The following BRINP3 variants were observed in gnomAD, a reference collection of about 807,000 sequenced individuals.
The protein encoded by BRINP3 is BMP/retinoic acid inducible neural specific 3.
Under a neutral mutation model 71.0 loss-of-function variants are expected in BRINP3, and 19 were observed. The ratio of observed to expected loss-of-function variants is 0.27; its 90% confidence interval spans 0.19 to 0.39. The LOEUF (loss-of-function observed/expected upper bound fraction) is 0.39, where lower values mean the gene tolerates loss of function less well. Among genes scored for constraint, BRINP3 ranks in the 10% least tolerant of loss-of-function variants. The pLI, the probability that BRINP3 is intolerant of heterozygous loss-of-function variation, is 1.00. For synonymous variants in BRINP3, 380 were observed against 337.7 expected (o/e 1.13, Z -1.37); for missense variants, 959 against 940.8 (o/e 1.02, Z -0.25).
intron 2 of BRINP3, among the ~76,000 whole-genome samples, chr1:190,340,564 T>C (rs1331850247): frequency 6.6e-6 from 1 of 151,888 alleles, no homozygotes; most frequent in Non-Finnish European, 1.5e-5. Flanking sequence ...ATATTTCAGA[T>C]TGACCAAGCA....
At position 190,429,221 on chromosome 1, in the gene BRINP3, C is replaced by T. The variant is rs373028136; in HGVS notation, c.236+25434G>A. Among the ~76,000 whole-genome samples the T allele has an allele frequency of 8.5e-5, 13 of 152,114 alleles. No individual in the cohort carries two copies. In the East Asian group the frequency reaches 1.2e-3, roughly 14 times the overall value. On this transcript the variant is annotated intron_variant, in intron 2 of 7. Transcript: ENST00000367462. ...TTTGTCTTTATAAACACTTGTTCTA[C>T]AGATATGTCAGTGCCTGTGGACAAA...
intron 2 of BRINP3, among the ~76,000 whole-genome samples, chr1:190,295,878 C>A (rs1664209924): frequency 6.6e-6 from 1 of 152,130 alleles, no homozygotes; most frequent in Non-Finnish European, 1.5e-5. Context: ...CAATTCCCCT[C>A]TTTTGGTTAT....
chr1:190,469,678 C>G (rs760961394), intron 1 of BRINP3, among the ~76,000 whole-genome samples: 1 of 150,942 alleles, frequency 6.6e-6, no homozygotes, highest in African/African-American at 2.4e-5. Flanking sequence ...TACTTATTAT[C>G]TATCCCAGGA....
At chr1:190,185,924 G>A (rs1653475193) in intron 6 of BRINP3, among the ~76,000 whole-genome samples, 1 of 152,012 alleles carries the variant, frequency 6.6e-6, no homozygotes, top group Admixed American at 6.6e-5. Flanking sequence ...ATTACTGAAT[G>A]TTCCCAACAA....
intron 6 of BRINP3, among the ~76,000 whole-genome samples, chr1:190,205,302 T>A (rs1558063530): frequency 6.6e-6 from 1 of 151,740 alleles, no homozygotes; most frequent in African/African-American, 2.4e-5. Flanking sequence ...GTTGATATGG[T>A]TCTCTTTTCT....
chr1:190,423,056 A>G (rs1243473796), intron 2 of BRINP3, among the ~76,000 whole-genome samples: 1 of 151,762 alleles, frequency 6.6e-6, no homozygotes, highest in Non-Finnish European at 1.5e-5. Flanking sequence ...AGTAGAAAAT[A>G]AGGGAGGGAT....
intron 6 of BRINP3, among the ~76,000 whole-genome samples, chr1:190,198,354 T>G (rs1318249926): frequency 6.6e-6 from 1 of 152,236 alleles, no homozygotes; most frequent in African/African-American, 2.4e-5. Flanking sequence ...GCAGCCATCT[T>G]GAATTTCTCC....
intron 2 of BRINP3, among the ~76,000 whole-genome samples, chr1:190,363,365 C>A (rs564707397): frequency 6.6e-6 from 1 of 152,274 alleles, no homozygotes; most frequent in East Asian, 1.9e-4. Context: ...AAACTCCTGA[C>A]ACGCAGAAAT....
At chr1:190,345,851 T>C (rs1667989633) in intron 2 of BRINP3, among the ~76,000 whole-genome samples, 1 of 151,884 alleles carries the variant, frequency 6.6e-6, no homozygotes, top group African/African-American at 2.4e-5. Flanking sequence ...TTGGAAATCA[T>C]TGCCAATTAT....
chr1:190,114,314 T>G lies in BRINP3; in HGVS notation c.1185-15180A>C, dbSNP rs569074969. On this transcript the variant is annotated intron_variant, in intron 7 of 7. Coordinates refer to ENST00000367462, the MANE Select transcript of BRINP3 (RefSeq NM_199051.3). Reference sequence around the variant, plus strand: ...GCTTCCTGTAAAGCCTGCAGAACCATGAGCCAATTAAACCTCTTTTCTTTA... The same window carrying G: ...GCTTCCTGTAAAGCCTGCAGAACCAGGAGCCAATTAAACCTCTTTTCTTTA... 6.6e-5 allele frequency among the ~76,000 whole-genome samples: 10 copies of G among 152,256 alleles called. 1 individual carries two copies. In the South Asian group the frequency reaches 1.9e-3, roughly 28 times the overall value.
chr1:190,161,176 T>C lies in BRINP3; in HGVS notation c.962-286A>G, dbSNP rs566550800. Among the ~76,000 whole-genome samples the C allele has an allele frequency of 2.6e-5, 4 of 152,156 alleles. No individual in the cohort carries two copies. In the Middle Eastern group the frequency reaches 0.011, roughly 410 times the overall value. ...ATAGTTGAAGCAGAAAGTTTAAGTT[T>C]AACTTAATTTTTCTGTGTGCTTCTT... On this transcript the variant is annotated intron_variant, in intron 6 of 7. Coordinates refer to ENST00000367462, the MANE Select transcript of BRINP3 (RefSeq NM_199051.3).
At chr1:190,259,304 A>AT (rs138435924) in intron 4 of BRINP3, among the ~76,000 whole-genome samples, 57 of 151,628 alleles carry the variant, frequency 3.8e-4, no homozygotes, top group African/African-American at 1.4e-3. Context: ...ACCAGATGAG[A>AT]TTTAGCCCAA....
intron 2 of BRINP3, among the ~76,000 whole-genome samples, chr1:190,290,088 A>T (rs1275374482): frequency 6.6e-6 from 1 of 152,214 alleles, no homozygotes; most frequent in African/African-American, 2.4e-5. Context: ...TAGTTAGTAT[A>T]CACCCTGACT....
chr1:190,225,991 A>G, intron 6 of BRINP3, 91 bp downstream of exon 6: 1 of 843,706 alleles, frequency 1.2e-6, no homozygotes, highest in South Asian at 1.8e-5. Context: ...CTTTCCAACT[A>G]TGTAATAGTT....
chr1:190,464,915 G>T (rs1346238570), intron 1 of BRINP3, among the ~76,000 whole-genome samples: 2 of 151,886 alleles, frequency 1.3e-5, no homozygotes, highest in African/African-American at 4.8e-5. Flanking sequence ...CTTAATGAGG[G>T]TTAGTATTCC....
chr1:190,205,988 A>C (rs1207729603), intron 6 of BRINP3, among the ~76,000 whole-genome samples: 1 of 152,026 alleles, frequency 6.6e-6, no homozygotes, highest in Non-Finnish European at 1.5e-5. Context: ...CCTCGTGCAG[A>C]ACAAGAGACT....
chr1:190,184,222 C>A (rs534138544), intron 6 of BRINP3, among the ~76,000 whole-genome samples: 2 of 152,034 alleles, frequency 1.3e-5, no homozygotes, highest in South Asian at 2.1e-4. Flanking sequence ...AGCTAAAATT[C>A]TTTAGTTTAA....
At chr1:190,254,159 G>T (rs1660424432) in intron 4 of BRINP3, among the ~76,000 whole-genome samples, 1 of 152,062 alleles carries the variant, frequency 6.6e-6, no homozygotes. Flanking sequence ...ATGCTGTTTT[G>T]GTTACTGTAG....
chr1:190,134,788 A>G (rs1654838037), intron 7 of BRINP3, among the ~76,000 whole-genome samples: 1 of 152,116 alleles, frequency 6.6e-6, no homozygotes, highest in African/African-American at 2.4e-5. Context: ...ATAATGCGCA[A>G]ACATTAAATA....
Sources: gnomAD v4.1 joint callset for allele counts (sites outside exome capture counted in the v4.1 genomes callset) on GRCh38, gnomAD v4.1.1 for gene constraint, MANE v1.5 for transcripts, NCBI Gene and HGNC (gene_info 2026-07-23, HGNC 2026-07-21) for gene names.